The following CRB1 variants were observed in gnomAD, a reference collection of about 807,000 sequenced individuals.
The protein encoded by CRB1 is protein crumbs homolog 1.
In CRB1, 83 loss-of-function variants were observed where a neutral mutation model predicts 120.0. The ratio of observed to expected loss-of-function variants is 0.69; its 90% confidence interval spans 0.58 to 0.83. The LOEUF is 0.83. Ranked by LOEUF, CRB1 falls within the 40% of genes least tolerant of loss-of-function variation. The probability of loss-of-function intolerance (pLI) is 0.00; values close to 1 mark genes in which losing one functional copy is unlikely to be tolerated. For synonymous variants in CRB1, 625 were observed against 612.5 expected, an observed-to-expected ratio of 1.02 and a Z score of -0.30; for missense variants, 1,699 against 1,687.6, an observed-to-expected ratio of 1.01 and a Z score of -0.12.
At chr1:197,386,017 G>A (rs1662198567) in intron 5 of CRB1, among the ~76,000 whole-genome samples, 1 of 151,966 alleles carries the variant, frequency 6.6e-6, no homozygotes. Flanking sequence ...AAAGCAATTT[G>A]TACAGGAATA....
At chr1:197,210,644 A>G in the CRB1 span, among the ~76,000 whole-genome samples, 2 of 152,052 alleles carry the variant, frequency 1.3e-5, no homozygotes, top group Non-Finnish European at 2.9e-5. Flanking sequence ...CTGGAAAACC[A>G]TGACTAATAC....
chr1:197,226,425 A>G, the CRB1 span, among the ~76,000 whole-genome samples: 4 of 152,242 alleles, frequency 2.6e-5, no homozygotes, highest in African/African-American at 9.6e-5. Context: ...ATTGTCAATT[A>G]TTAAAATACT....
At chr1:197,450,879 GA>G (rs1416367571) in intron 11 of CRB1, among the ~76,000 whole-genome samples, 1 of 139,942 alleles carries the variant, frequency 7.1e-6, no homozygotes, top group Non-Finnish European at 1.5e-5. Context: ...AGAATGGCGT[GA>G]ACCCGGGGGG....
the CRB1 span, among the ~76,000 whole-genome samples, chr1:197,250,507 C>T: frequency 6.6e-6 from 1 of 151,896 alleles, no homozygotes; most frequent in South Asian, 2.1e-4. Context: ...TTAATGTCGT[C>T]TTTCTGAGAT....
the CRB1 span, among the ~76,000 whole-genome samples, chr1:197,262,318 T>C: frequency 6.6e-6 from 1 of 152,164 alleles, no homozygotes; most frequent in Non-Finnish European, 1.5e-5. Context: ...TCAAATTGAA[T>C]ATATTTTAAA....
intron 11 of CRB1, among the ~76,000 whole-genome samples, chr1:197,449,693 G>T (rs962393502): frequency 6.6e-6 from 1 of 152,248 alleles, no homozygotes; most frequent in East Asian, 1.9e-4. Context: ...ATTTTGGCAG[G>T]CAGTCTCTTA....
chr1:197,392,056 C>CA (rs1558103335), intron 5 of CRB1, among the ~76,000 whole-genome samples: 1 of 151,950 alleles, frequency 6.6e-6, no homozygotes, highest in Non-Finnish European at 1.5e-5. Flanking sequence ...AAGGCTGGTA[C>CA]AGCATCTCGT....
upstream of CRB1, among the ~76,000 whole-genome samples, chr1:197,264,938 C>T (rs995998063): frequency 1.3e-5 from 2 of 151,982 alleles, no homozygotes; most frequent in East Asian, 1.9e-4. Context: ...ACAGTGCATT[C>T]TTTGTTTAAC....
chr1:197,226,397 T>A, the CRB1 span, among the ~76,000 whole-genome samples: 9 of 152,240 alleles, frequency 5.9e-5, no homozygotes, highest in African/African-American at 2.2e-4. Context: ...GTAGTAGTGA[T>A]TAGTGATTGA....
chr1:197,255,222 C>T, the CRB1 span, among the ~76,000 whole-genome samples: 182 of 152,156 alleles, frequency 1.2e-3, no homozygotes, highest in Non-Finnish European at 2.2e-3. Context: ...TTAGGCTACT[C>T]TGACTCTCTC....
At chr1:197,323,233 A>G (rs1658305774) in intron 1 of CRB1, among the ~76,000 whole-genome samples, 1 of 152,198 alleles carries the variant, frequency 6.6e-6, no homozygotes, top group African/African-American at 2.4e-5. Context: ...TGTGTATAAT[A>G]AAACTTAGCA....
intron 2 of CRB1, among the ~76,000 whole-genome samples, chr1:197,342,274 A>G (rs1296818942): frequency 6.6e-6 from 1 of 152,172 alleles, no homozygotes; most frequent in Admixed American, 6.5e-5. Flanking sequence ...AATTTTTAGC[A>G]GAACCTCTGT....
intron 1 of CRB1, among the ~76,000 whole-genome samples, chr1:197,286,945 G>A (rs1249982361): frequency 3.3e-5 from 5 of 151,822 alleles, no homozygotes. Context: ...TTAATTTTCT[G>A]CTTCATAGAG....
chr1:197,303,324 T>C lies in CRB1; in HGVS notation c.71-25098T>C, dbSNP rs367928329. ...CAGTCCCCAGAGTGTGATGTTCCCC[T>C]TCCTGTGTCCATGTGTTCTCATTGT... On this transcript the variant is annotated intron_variant, in intron 1 of 11. Transcript: ENST00000367400. Among the ~76,000 whole-genome samples the C allele has an allele frequency of 1.4e-3, 170 of 121,758 alleles. 3 individuals are homozygous for C. In the East Asian group the frequency reaches 0.032, roughly 23 times the overall value. 79.9% of individuals were successfully genotyped at this position (121,758 alleles called of 152,430 possible). A position where few individuals can be genotyped will look rare whatever the true frequency, so the allele number is the denominator to read the frequency against.
At chr1:197,413,715 G>A (rs1663821854) in intron 5 of CRB1, 1 of 250,590 alleles carries the variant, frequency 4.0e-6, no homozygotes, top group South Asian at 4.6e-5. Flanking sequence ...GCAGGGATAG[G>A]ATCTAAGAAT....
the CRB1 span, among the ~76,000 whole-genome samples, chr1:197,232,147 G>A: frequency 6.6e-6 from 1 of 152,136 alleles, no homozygotes; most frequent in Non-Finnish European, 1.5e-5. Context: ...GCCTGCAGAA[G>A]CCAGAAAATG....
intron 5 of CRB1, among the ~76,000 whole-genome samples, chr1:197,394,147 C>T (rs544717402): frequency 1.3e-5 from 2 of 152,014 alleles, no homozygotes; most frequent in Admixed American, 6.6e-5. Context: ...CTGGAGACAA[C>T]AAGACCAACC....
At chr1:197,234,573 A>G in the CRB1 span, among the ~76,000 whole-genome samples, 2 of 152,256 alleles carry the variant, frequency 1.3e-5, no homozygotes, top group Admixed American at 6.5e-5. Context: ...AATAGTTAAC[A>G]AATATAGATC....
chr1:197,213,046 C>A, the CRB1 span, among the ~76,000 whole-genome samples: 19 of 151,956 alleles, frequency 1.3e-4, no homozygotes, highest in African/African-American at 4.6e-4. Flanking sequence ...AAGTACTATA[C>A]CAAAATGCAA....
Sources: gnomAD v4.1 joint callset for allele counts (sites outside exome capture counted in the v4.1 genomes callset) on GRCh38, gnomAD v4.1.1 for gene constraint, MANE v1.5 for transcripts, NCBI Gene and HGNC (gene_info 2026-07-23, HGNC 2026-07-21) for gene names.